Variants in IPO11 observed in about 807,000 individuals in gnomAD.
IPO11 encodes the protein importin-11.
In IPO11, 66 loss-of-function variants were observed where a neutral mutation model predicts 143.2. That is an observed-to-expected ratio of 0.46 (90% CI 0.38 to 0.57). IPO11 has a LOEUF of 0.57. Ranked by LOEUF, IPO11 falls within the 20% of genes least tolerant of loss-of-function variation. The pLI, the probability that IPO11 is intolerant of heterozygous loss-of-function variation, is 0.00. For synonymous variants in IPO11, 385 were observed against 377.8 expected (o/e 1.02, Z -0.22); for missense variants, 1,026 against 1,141.0 (o/e 0.90, Z 1.45).
At chr5:62,465,210 T>C (rs1745527084) in intron 5 of IPO11, among the ~76,000 whole-genome samples, 1 of 152,256 alleles carries the variant, frequency 6.6e-6, no homozygotes, top group South Asian at 2.1e-4. Context: ...TTCTTTCACT[T>C]TCTTCTGACA....
At chr5:62,563,621 T>C (rs1743843462) in intron 27 of IPO11, among the ~76,000 whole-genome samples, 2 of 152,158 alleles carry the variant, frequency 1.3e-5, no homozygotes, top group South Asian at 2.1e-4. Flanking sequence ...TAACAAGATA[T>C]TTTGGGGATG....
At chr5:62,548,248 G>C (rs1193811806) in intron 24 of IPO11, among the ~76,000 whole-genome samples, 1 of 151,658 alleles carries the variant, frequency 6.6e-6, no homozygotes, top group Non-Finnish European at 1.5e-5. Context: ...ACCTTTTTTT[G>C]GTATAATTTT....
chr5:62,515,552 T>C, intron 20 of IPO11, 51 bp downstream of exon 20: 2 of 1,174,392 alleles, frequency 1.7e-6, no homozygotes, highest in Non-Finnish European at 2.4e-6. Context: ...TTTAAAAAAT[T>C]CTTTTAACCA....
intron 28 of IPO11, among the ~76,000 whole-genome samples, chr5:62,598,532 TTTCTTTTC>T (rs1267386863): frequency 8.5e-4 from 13 of 15,322 alleles, no homozygotes; most frequent in Admixed American, 7.1e-3. Context: ...CTTTCTTTTC[TTTCTTTTC>T]TTTCTTTTCT....
rs888799824 is a variant in IPO11 at position 62,546,831 on chromosome 5, G to A, written c.2251-3536G>A. Among the ~76,000 whole-genome samples the A allele has an allele frequency of 6.6e-5, 10 of 152,220 alleles. No homozygotes were observed. In the East Asian group the frequency reaches 1.5e-3, roughly 23 times the overall value. On this transcript the variant is annotated intron_variant, in intron 24 of 29. Coordinates refer to ENST00000325324, the MANE Select transcript of IPO11 (RefSeq NM_016338.5). ...ATATGAGTTTGAGAATATAAGTAAG[G>A]AGCATTGTCTCTAGTTTTCTTCTGT... is the stretch of plus-strand genomic sequence containing the variant.
At chr5:62,605,564 C>G (rs1346090137) in intron 29 of IPO11, among the ~76,000 whole-genome samples, 1 of 151,820 alleles carries the variant, frequency 6.6e-6, no homozygotes, top group Admixed American at 6.6e-5. Flanking sequence ...ATGACCTTTA[C>G]TATAAAGACT....
At chr5:62,448,587 G>A (rs114714393) in intron 3 of IPO11, among the ~76,000 whole-genome samples, 13,970 of 152,058 alleles carry the variant, frequency 0.092, 652 homozygotes, top group South Asian at 0.15. Context: ...GTCTTGCTCC[G>A]TTGCCCAGGC....
intron 16 of IPO11, among the ~76,000 whole-genome samples, chr5:62,494,914 A>AC (rs1007702629): frequency 5.5e-5 from 8 of 146,106 alleles, no homozygotes; most frequent in East Asian, 4.0e-4. Context: ...CCCTCCCTTT[A>AC]CCCCCCCAAA....
At position 62,437,423 on chromosome 5, in the gene IPO11, T is replaced by C; in HGVS notation, c.138+6T>C. 1.9e-6 allele frequency: 3 copies of C among 1,596,702 alleles called. No individual in the cohort carries two copies. Among genetic ancestry groups the C allele is most frequent in the East Asian group, 4.5e-5 (2 of 44,588 alleles). On this transcript the variant is annotated splice_donor_region_variant and intron_variant, in intron 2 of 29. Transcript: ENST00000325324. The stretch of plus-strand genomic sequence containing the variant: ...GTTTCTATTCAGTGTTGCTGGTAAG[T>C]TGTTCTAAAATTGTTTGCTTTTCTT...
intron 1 of IPO11, among the ~76,000 whole-genome samples, chr5:62,417,996 A>G (rs377524128): frequency 3.3e-5 from 5 of 151,966 alleles, no homozygotes; most frequent in African/African-American, 1.2e-4. Context: ...GCCATTATTT[A>G]TTTATTTATT....
At position 62,506,261 on chromosome 5, in the gene IPO11, A is replaced by C; in HGVS notation, c.1686A>C (p.Thr562=). ...TGCAGTATTTGGAAACCATGTTCAC[A>C]CTACTTTTTCAGTTACTGCAGCAAG... ...QFLPYLETMF[T]LLFQLLQQVT... The change falls in exon 19 of 30, where the codon ACA becomes ACC. Residue 562 remains threonine (T), a synonymous_variant. Transcript: ENST00000325324. 6.2e-7 allele frequency: 1 copy of C among 1,607,322 alleles called. No homozygotes were observed. The highest frequency in any genetic ancestry group is 8.5e-7 in the Non-Finnish European group (1 of 1,175,834).
chr5:62,459,497 T>C (rs1745282769), intron 5 of IPO11, among the ~76,000 whole-genome samples: 1 of 152,076 alleles, frequency 6.6e-6, no homozygotes, highest in African/African-American at 2.4e-5. Context: ...GCTTGATACA[T>C]TTTGGTAATT....
At position 62,417,184 on chromosome 5, in the gene IPO11, C is replaced by A. The variant is rs529476144; in HGVS notation, c.-7+4255C>A. The stretch of plus-strand genomic sequence containing the variant: ...TGTTACCTAGGCTGGCCTCAAACTT[C>A]AGGGCTCAAGTGATCCTGCCACTTC... On this transcript the variant is annotated intron_variant, in intron 1 of 29. Coordinates refer to ENST00000325324, the MANE Select transcript of IPO11 (RefSeq NM_016338.5). 1.9e-4 allele frequency among the ~76,000 whole-genome samples: 28 copies of A among 151,138 alleles called. No individual in the cohort carries two copies. In the South Asian group the frequency reaches 5.0e-3, roughly 27 times the overall value.
chr5:62,590,276 A>G (rs1403512393), intron 27 of IPO11, among the ~76,000 whole-genome samples: 1 of 152,176 alleles, frequency 6.6e-6, no homozygotes, highest in Non-Finnish European at 1.5e-5. Context: ...TCTGGATTAA[A>G]ACTAATAAAT....
intron 15 of IPO11, among the ~76,000 whole-genome samples, chr5:62,491,604 TTTA>T (rs1229950760): frequency 2.0e-5 from 3 of 152,198 alleles, no homozygotes; most frequent in Admixed American, 6.5e-5. Context: ...ATGTAAAATA[TTTA>T]TTGATTACAT....
intron 27 of IPO11, among the ~76,000 whole-genome samples, chr5:62,572,663 C>A (rs747754048): frequency 3.1e-4 from 47 of 150,090 alleles, no homozygotes; most frequent in Non-Finnish European, 6.2e-4. Flanking sequence ...CTCACTGCAG[C>A]CTTGACCTCC....
At chr5:62,619,809 A>C (rs1326073247) in intron 29 of IPO11, among the ~76,000 whole-genome samples, 2 of 151,842 alleles carry the variant, frequency 1.3e-5, no homozygotes, top group Admixed American at 6.6e-5. Flanking sequence ...AGCTGAGCCG[A>C]GATTGCGCCA....
At chr5:62,535,077 A>C (rs1742691398) in intron 22 of IPO11, among the ~76,000 whole-genome samples, 1 of 149,530 alleles carries the variant, frequency 6.7e-6, no homozygotes, top group Admixed American at 6.7e-5. Flanking sequence ...ATGCCCAAGA[A>C]AATTTTGTCA....
chr5:62,580,272 T>TA (rs1744499799), intron 27 of IPO11: 1 of 1,540,814 alleles, frequency 6.5e-7, no homozygotes, highest in African/African-American at 1.4e-5. Flanking sequence ...TTAATAATCT[T>TA]AAACATTTGA....
Sources: allele counts gnomAD v4.1 joint callset (sites outside exome capture counted in the v4.1 genomes callset), GRCh38; gene constraint gnomAD v4.1.1; transcripts MANE v1.5; gene names NCBI Gene and HGNC (gene_info 2026-07-23, HGNC 2026-07-21).